Variants in SGCZ observed in about 807,000 individuals in gnomAD.
SGCZ encodes zeta-sarcoglycan.
A neutral mutation model predicts 41.3 loss-of-function variants in SGCZ; 40 were observed. The ratio of observed to expected loss-of-function variants is 0.97; its 90% CI spans 0.75 to 1.26. SGCZ has a LOEUF of 1.26. Ranked by LOEUF, SGCZ falls within the 50% of genes most tolerant of loss-of-function variation. SGCZ has a pLI of 0.00. For synonymous variants in SGCZ, 206 were observed against 137.5 expected (o/e 1.50, Z -3.49); for missense variants, 552 against 369.8 (o/e 1.49, Z -4.04).
rs199515898 is a variant in SGCZ, at chr8:14,157,316, T to TTATA, written c.547+7260_547+7263dup. ...TATATTTAATATACAATATTATATGTTATATACATATATATGCCTCTGTGT... is the reference window on the plus strand; with the variant it reads ...TATATTTAATATACAATATTATATGTTATATATATACATATATATGCCTCTGTGT... On this transcript the variant is annotated intron_variant, in intron 5 of 7. Transcript: ENST00000382080. 4.8e-3 allele frequency among the ~76,000 whole-genome samples: 698 copies of TTATA among 146,294 alleles called. 6 individuals carry two copies. Among genetic ancestry groups the TTATA allele is most frequent in the African/African-American group, 0.016 (648 of 40,262 alleles).
chr8:14,892,169 G>C (rs1805040645), intron 1 of SGCZ, among the ~76,000 whole-genome samples: 1 of 152,146 alleles, frequency 6.6e-6, no homozygotes, highest in Non-Finnish European at 1.5e-5. Flanking sequence ...ACTCCTGAAA[G>C]ACTGCTTACT....
chr8:14,911,479 G>A lies in SGCZ; in HGVS notation c.39+326106C>T, dbSNP rs529259522. Among the ~76,000 whole-genome samples the A allele has an allele frequency of 1.4e-4, 22 of 152,038 alleles. No individual in the cohort carries two copies. In the East Asian group the frequency reaches 1.7e-3, roughly 12 times the overall value. ...AACTAAGAAAAAAATATATAGCTTCGTGTCAGCCATATAATCCTAGAAAGC... is the reference window on the plus strand; with the variant it reads ...AACTAAGAAAAAAATATATAGCTTCATGTCAGCCATATAATCCTAGAAAGC... On this transcript the variant is annotated intron_variant, in intron 1 of 7. Transcript: ENST00000382080.
chr8:14,567,642 T>C (rs1351303158), intron 1 of SGCZ, among the ~76,000 whole-genome samples: 1 of 152,080 alleles, frequency 6.6e-6, no homozygotes, highest in Admixed American at 6.5e-5. Flanking sequence ...CCTTCCACAG[T>C]GTGGAGGGTT....
At chr8:15,015,687 C>CAAA (rs61080299) in intron 1 of SGCZ, among the ~76,000 whole-genome samples, 10 of 121,770 alleles carry the variant, frequency 8.2e-5, no homozygotes, top group African/African-American at 2.6e-4. Flanking sequence ...GACTCCATCT[C>CAAA]AAAAAAAAAA....
intron 1 of SGCZ, among the ~76,000 whole-genome samples, chr8:14,728,729 C>T (rs572808133): frequency 1.3e-5 from 2 of 152,050 alleles, no homozygotes; most frequent in African/African-American, 2.4e-5. Context: ...ATATTCCATG[C>T]CTTATCTGAA....
At chr8:14,221,010 A>AG (rs1806174148) in intron 4 of SGCZ, among the ~76,000 whole-genome samples, 1 of 72,252 alleles carries the variant, frequency 1.4e-5, no homozygotes. Flanking sequence ...TGCCTAATAT[A>AG]GAAAAAAAAA....
intron 2 of SGCZ, among the ~76,000 whole-genome samples, chr8:14,414,485 G>T (rs917416340): frequency 6.6e-6 from 1 of 151,788 alleles, no homozygotes; most frequent in African/African-American, 2.4e-5. Context: ...GTTATGTTTG[G>T]AACCTGCTTG....
chr8:14,565,866 C>A (rs1478822496), intron 1 of SGCZ, among the ~76,000 whole-genome samples: 2 of 152,008 alleles, frequency 1.3e-5, no homozygotes, highest in African/African-American at 2.4e-5. Flanking sequence ...ATCTTGCAAA[C>A]AATTTTCAAA....
At chr8:14,948,433 T>G (rs555892773) in intron 1 of SGCZ, among the ~76,000 whole-genome samples, 1 of 151,854 alleles carries the variant, frequency 6.6e-6, no homozygotes. Flanking sequence ...GAAAACTACT[T>G]TGAAAAGATT....
chr8:15,087,318 C>A (rs1312100438), intron 1 of SGCZ, among the ~76,000 whole-genome samples: 2 of 152,052 alleles, frequency 1.3e-5, no homozygotes, highest in African/African-American at 4.8e-5. Flanking sequence ...TGATGTGTGA[C>A]TTTTCTAGTA....
At position 14,803,123 on chromosome 8, in the gene SGCZ, T is replaced by C. The variant is rs566584556; in HGVS notation, c.40-248197A>G. Among the ~76,000 whole-genome samples, 15 of 152,326 alleles carry C rather than the reference T, an allele frequency of 9.8e-5. No homozygotes were observed. In the South Asian group the frequency reaches 2.9e-3, roughly 29 times the overall value. Reference sequence around the variant, plus strand: ...GCAGTCACTGACCATGACATATATGTTAAGGGGACTTGTATAACAAATAAA... The same window carrying C: ...GCAGTCACTGACCATGACATATATGCTAAGGGGACTTGTATAACAAATAAA... On this transcript the variant is annotated intron_variant, in intron 1 of 7. Transcript: ENST00000382080.
At chr8:14,520,192 T>C (rs927834587) in intron 2 of SGCZ, among the ~76,000 whole-genome samples, 2 of 152,038 alleles carry the variant, frequency 1.3e-5, no homozygotes, top group African/African-American at 4.8e-5. Context: ...AAGAATGCAT[T>C]GGAACTACTA....
At chr8:14,705,536 T>C (rs1363011692) in intron 1 of SGCZ, among the ~76,000 whole-genome samples, 2 of 152,122 alleles carry the variant, frequency 1.3e-5, no homozygotes, top group Non-Finnish European at 2.9e-5. Flanking sequence ...TGACTCTCAA[T>C]TAATCTCATC....
At chr8:14,491,427 C>T (rs538261480) in intron 2 of SGCZ, among the ~76,000 whole-genome samples, 24 of 152,166 alleles carry the variant, frequency 1.6e-4, no homozygotes, top group East Asian at 5.8e-4. Context: ...ATTTCTAAGG[C>T]GATTTGAGTG....
intron 1 of SGCZ, among the ~76,000 whole-genome samples, chr8:15,033,264 C>G (rs1017701761): frequency 1.3e-5 from 2 of 152,114 alleles, no homozygotes; most frequent in South Asian, 2.1e-4. Context: ...CCCACACACC[C>G]AAACTCCAGG....
intron 2 of SGCZ, among the ~76,000 whole-genome samples, chr8:14,357,580 C>T (rs770794786): frequency 6.6e-6 from 1 of 152,102 alleles, no homozygotes; most frequent in African/African-American, 2.4e-5. Context: ...AAAAGGGACT[C>T]GCTACCTCCA....
At chr8:14,271,305 A>G (rs530151874) in intron 3 of SGCZ, among the ~76,000 whole-genome samples, 2 of 152,306 alleles carry the variant, frequency 1.3e-5, no homozygotes, top group East Asian at 3.9e-4. Context: ...TATTACTATT[A>G]TCTATAATTC....
At chr8:14,165,588 A>T (rs1213440077) in intron 4 of SGCZ, among the ~76,000 whole-genome samples, 1 of 152,088 alleles carries the variant, frequency 6.6e-6, no homozygotes, top group East Asian at 1.9e-4. Context: ...CACTTTTGGC[A>T]TATGGATCTA....
At chr8:14,454,167 G>C (rs190969782) in intron 2 of SGCZ, among the ~76,000 whole-genome samples, 1 of 152,292 alleles carries the variant, frequency 6.6e-6, no homozygotes, top group East Asian at 1.9e-4. Flanking sequence ...CAGATAGTAA[G>C]AGCCAAGGTA....
Sources: gnomAD v4.1 joint callset for allele counts (sites outside exome capture counted in the v4.1 genomes callset) on GRCh38, gnomAD v4.1.1 for gene constraint, MANE v1.5 for transcripts, NCBI Gene and HGNC (gene_info 2026-07-23, HGNC 2026-07-21) for gene names.